SLC24A2: variants seen among roughly 807,000 people sequenced by gnomAD.
SLC24A2 encodes solute carrier family 24 member 2.
A neutral mutation model predicts 62.0 loss-of-function variants in SLC24A2; 36 were observed. The ratio of observed to expected loss-of-function variants is 0.58; its 90% CI spans 0.44 to 0.77. The LOEUF (loss-of-function observed/expected upper bound fraction) is 0.77, where lower values mean the gene tolerates loss of function less well. Among genes scored for constraint, SLC24A2 ranks in the 30% least tolerant of loss-of-function variants. The probability of loss-of-function intolerance (pLI) is 0.00; values close to 1 mark genes in which losing one functional copy is unlikely to be tolerated. For synonymous variants in SLC24A2, 358 were observed against 294.0 expected (o/e 1.22, Z -2.23); for missense variants, 846 against 817.9 (o/e 1.03, Z -0.42).
At chr9:19,945,342 A>G in the SLC24A2 span, among the ~76,000 whole-genome samples, 1 of 152,240 alleles carries the variant, frequency 6.6e-6, no homozygotes, top group East Asian at 1.9e-4. Flanking sequence ...GAGAGAGAAC[A>G]TAAAAGATTG....
chr9:19,575,795 A>T (rs1835993167), intron 6 of SLC24A2, among the ~76,000 whole-genome samples: 1 of 152,224 alleles, frequency 6.6e-6, no homozygotes, highest in Non-Finnish European at 1.5e-5. Flanking sequence ...TCATTCTATA[A>T]AAGACAAGTC....
chr9:19,546,630 G>A (rs867950845), intron 8 of SLC24A2, among the ~76,000 whole-genome samples: 57 of 152,120 alleles, frequency 3.7e-4, no homozygotes, highest in African/African-American at 1.3e-3. Context: ...ACTCCGTGGG[G>A]GTTGGACCCA....
At chr9:19,787,077 A>T in intron 1 of SLC24A2, 58 bp from the exon 2 acceptor site, 1 of 1,276,988 alleles carries the variant, frequency 7.8e-7, no homozygotes, top group South Asian at 2.0e-5. Flanking sequence ...TTTTTAATAA[A>T]GATCTTTGCA....
At chr9:19,945,466 C>T in the SLC24A2 span, among the ~76,000 whole-genome samples, 1 of 152,210 alleles carries the variant, frequency 6.6e-6, no homozygotes, top group Non-Finnish European at 1.5e-5. Flanking sequence ...TTGCATTTAT[C>T]TTTCCTTTCC....
chr9:19,703,286 T>G (rs1286416227), intron 2 of SLC24A2, among the ~76,000 whole-genome samples: 1 of 152,194 alleles, frequency 6.6e-6, no homozygotes, highest in East Asian at 1.9e-4. Context: ...TTACATGACT[T>G]ATTTCTTCAA....
At chr9:20,222,254 G>A in the SLC24A2 span, among the ~76,000 whole-genome samples, 7 of 151,662 alleles carry the variant, frequency 4.6e-5, no homozygotes, top group South Asian at 4.2e-4. Context: ...AAACTGTATT[G>A]GTGTACCAGA....
chr9:19,830,970 A>G, the SLC24A2 span, among the ~76,000 whole-genome samples: 4 of 152,150 alleles, frequency 2.6e-5, no homozygotes, highest in African/African-American at 9.7e-5. Context: ...TGCTTCCAAG[A>G]GGGTGCAGTG....
intron 6 of SLC24A2, among the ~76,000 whole-genome samples, chr9:19,573,975 A>ATAT (rs1835933515): frequency 6.6e-6 from 1 of 152,142 alleles, no homozygotes; most frequent in South Asian, 2.1e-4. Context: ...TCTGGAAAGG[A>ATAT]TATTAGCTAG....
At chr9:20,262,404 A>C in the SLC24A2 span, among the ~76,000 whole-genome samples, 1 of 152,228 alleles carries the variant, frequency 6.6e-6, no homozygotes, top group African/African-American at 2.4e-5. Context: ...CCAAGTGCCT[A>C]GCACATTGCC....
the SLC24A2 span, among the ~76,000 whole-genome samples, chr9:20,202,503 A>G: frequency 6.6e-6 from 1 of 152,150 alleles, no homozygotes; most frequent in Non-Finnish European, 1.5e-5. Flanking sequence ...CCAGGTGGGA[A>G]AAAGCAGTTA....
At chr9:20,301,601 GT>G in the SLC24A2 span, among the ~76,000 whole-genome samples, 1 of 150,210 alleles carries the variant, frequency 6.7e-6, no homozygotes. Flanking sequence ...TTTTCAAGCA[GT>G]TTTAGGTTTA....
At chr9:19,937,152 G>A in the SLC24A2 span, among the ~76,000 whole-genome samples, 1 of 152,184 alleles carries the variant, frequency 6.6e-6, no homozygotes, top group Non-Finnish European at 1.5e-5. Context: ...GCTCTGAGCT[G>A]TGCCAGAGCA....
At chr9:19,924,652 A>G in the SLC24A2 span, among the ~76,000 whole-genome samples, 90 of 152,346 alleles carry the variant, frequency 5.9e-4, 1 homozygote, top group Admixed American at 1.3e-3. Flanking sequence ...TTATGGCTCA[A>G]AATAAATACT....
the SLC24A2 span, among the ~76,000 whole-genome samples, chr9:20,235,708 G>C: frequency 1.3e-5 from 2 of 152,124 alleles, no homozygotes; most frequent in African/African-American, 2.4e-5. Flanking sequence ...CCCTGCTTCG[G>C]CTCGCACACG....
intron 2 of SLC24A2, among the ~76,000 whole-genome samples, chr9:19,664,261 C>A (rs369963191): frequency 2.7e-4 from 41 of 152,192 alleles, no homozygotes; most frequent in Non-Finnish European, 1.5e-5. Context: ...TGTTTCACAA[C>A]GGCTTTGATG....
intron 2 of SLC24A2, among the ~76,000 whole-genome samples, chr9:19,689,801 C>T (rs1487686614): frequency 6.6e-6 from 1 of 152,008 alleles, no homozygotes; most frequent in Non-Finnish European, 1.5e-5. Context: ...ATTGACTGGG[C>T]CAAGGGATGC....
intron 2 of SLC24A2, among the ~76,000 whole-genome samples, chr9:19,652,920 AAACCTTCTCTTCCATCCT>A (rs1818841397): frequency 6.6e-6 from 1 of 151,556 alleles, no homozygotes; most frequent in African/African-American, 2.4e-5. Context: ...ACGATGAGAC[AAACCTTCTCTTCCATCCT>A]GTTTCAACCT....
intron 2 of SLC24A2, among the ~76,000 whole-genome samples, chr9:19,701,159 G>A (rs997225746): frequency 7.9e-5 from 12 of 152,336 alleles, no homozygotes; most frequent in Admixed American, 6.5e-4. Flanking sequence ...CCCTGTTTAG[G>A]GAAGATTAAC....
At chr9:20,132,436 G>T in the SLC24A2 span, among the ~76,000 whole-genome samples, 1 of 152,108 alleles carries the variant, frequency 6.6e-6, no homozygotes, top group Non-Finnish European at 1.5e-5. Context: ...TCTGTGGATT[G>T]CTGGATTTTT....
Sources: allele counts gnomAD v4.1 joint callset (sites outside exome capture counted in the v4.1 genomes callset), GRCh38; gene constraint gnomAD v4.1.1; transcripts MANE v1.5; gene names NCBI Gene and HGNC (gene_info 2026-07-23, HGNC 2026-07-21).